MYH10: variants seen among roughly 807,000 people sequenced by gnomAD.
The protein encoded by MYH10 is myosin heavy chain 10.
In MYH10, 55 loss-of-function variants were observed where a neutral mutation model predicts 257.8. That is an observed-to-expected ratio of 0.21 (90% CI 0.17 to 0.27). The LOEUF (loss-of-function observed/expected upper bound fraction) is 0.27, where lower values mean the gene tolerates loss of function less well. Among genes scored for constraint, MYH10 ranks in the 10% least tolerant of loss-of-function variants. The probability of loss-of-function intolerance (pLI) is 1.00; values close to 1 mark genes in which losing one functional copy is unlikely to be tolerated. For missense variants in MYH10, 1,631 were observed against 2,500.6 expected (o/e 0.65, Z 7.42); for synonymous variants, 854 against 921.7 (o/e 0.93, Z 1.33).
intron 35 of MYH10, 83 bp from the exon 36 acceptor site, chr17:8,487,677 C>G (rs1011536805): frequency 3.9e-5 from 60 of 1,523,120 alleles, no homozygotes; most frequent in Non-Finnish European, 5.3e-5. Context: ...GTGGGGGGCT[C>G]TGGTTACTCG....
chr17:8,573,228 A>C (rs908233739), intron 6 of MYH10, among the ~76,000 whole-genome samples: 9 of 152,196 alleles, frequency 5.9e-5, no homozygotes, highest in Non-Finnish European at 1.2e-4. Context: ...AAAAATATAT[A>C]CCTCTTTCAA....
rs989087041 is a variant in MYH10, at chr17:8,509,996, C to T, written c.2953-47G>A. On this transcript the variant is annotated intron_variant, in intron 24 of 42. Coordinates refer to ENST00000360416, the MANE Select transcript of MYH10 (RefSeq NM_001256012.3). ...GTCTCGCCACTTTCTCGAGATTTGACCACACATTCATTGTGCACAGGAATG... is the reference window on the plus strand; with the variant it reads ...GTCTCGCCACTTTCTCGAGATTTGATCACACATTCATTGTGCACAGGAATG... 3.8e-6 allele frequency: 6 copies of T among 1,563,544 alleles called. No individual in the cohort carries two copies. In the African/African-American group the frequency reaches 5.6e-5, roughly 14 times the overall value.
intron 7 of MYH10, among the ~76,000 whole-genome samples, chr17:8,556,328 C>A (rs1240144128): frequency 6.6e-6 from 1 of 152,188 alleles, no homozygotes; most frequent in Non-Finnish European, 1.5e-5. Flanking sequence ...ATGTCCCCAG[C>A]CACTTTATTC....
chr17:8,476,842 C>G, intron 42 of MYH10, 34 bp downstream of exon 42: 2 of 1,586,586 alleles, frequency 1.3e-6, no homozygotes, highest in Non-Finnish European at 1.7e-6. Flanking sequence ...CACAAAGCAG[C>G]TGCCTGTCAG....
intron 7 of MYH10, among the ~76,000 whole-genome samples, chr17:8,557,451 T>C (rs924353485): frequency 2.6e-5 from 4 of 152,150 alleles, no homozygotes; most frequent in African/African-American, 7.2e-5. Context: ...CTATCTCAGG[T>C]GTGTGTCAAG....
chr17:8,543,043 G>A (rs963029581), intron 13 of MYH10, among the ~76,000 whole-genome samples: 5 of 152,134 alleles, frequency 3.3e-5, no homozygotes, highest in African/African-American at 7.2e-5. Context: ...TTGATTGGGC[G>A]AATGCATAGA....
chr17:8,528,460 A>C (rs1325471565), intron 17 of MYH10, among the ~76,000 whole-genome samples: 1 of 152,196 alleles, frequency 6.6e-6, no homozygotes, highest in Non-Finnish European at 1.5e-5. Context: ...TATGACCTCC[A>C]TATTTGCCTC....
At chr17:8,532,226 G>A (rs1000196690) in intron 16 of MYH10, among the ~76,000 whole-genome samples, 1 of 152,220 alleles carries the variant, frequency 6.6e-6, no homozygotes, top group Non-Finnish European at 1.5e-5. Context: ...GGGTAGATAA[G>A]ATATCCCTTG....
rs550461515 is a variant in MYH10, at chr17:8,614,735, T to G, written c.345+8167A>C. On this transcript the variant is annotated intron_variant, in intron 2 of 42. Coordinates refer to ENST00000360416, the MANE Select transcript of MYH10 (RefSeq NM_001256012.3). ...TGTAGAATACAGCTACAGCAGTACT[T>G]AGAATGAAATTTATGGCTTTTAAAG... Among the ~76,000 whole-genome samples, 13 of 152,316 alleles carry G rather than the reference T, an allele frequency of 8.5e-5. No individual in the cohort carries two copies. In the South Asian group the frequency reaches 2.7e-3, roughly 32 times the overall value.
Position 8,504,064 on chromosome 17 carries a change from C to T in MYH10, c.3599+630G>A, listed in dbSNP as rs578030394. ...CCGGCTCACTGCTAAGGCTCTCCTG[C>T]GACTCGTGGGCTGCCACACTGCAGC... is the stretch of plus-strand genomic sequence containing the variant. On this transcript the variant is annotated intron_variant, in intron 28 of 42. Coordinates refer to ENST00000360416, the MANE Select transcript of MYH10 (RefSeq NM_001256012.3). This position sits in a 1 kb window ranked among gnomAD's most constrained non-coding sequence, Gnocchi z 5.6. 1.3e-5 allele frequency among the ~76,000 whole-genome samples: 2 copies of T among 152,314 alleles called. No homozygotes were observed. The highest frequency in any genetic ancestry group is 2.1e-4 in the South Asian group (1 of 4,824).
chr17:8,617,532 C>A (rs2085313715), intron 2 of MYH10, among the ~76,000 whole-genome samples: 1 of 152,106 alleles, frequency 6.6e-6, no homozygotes, highest in Non-Finnish European at 1.5e-5. Flanking sequence ...TTCTGGAACT[C>A]CAACTAAATC....
At chr17:8,551,152 T>TA (rs57353412) in intron 9 of MYH10, among the ~76,000 whole-genome samples, 141,483 of 146,834 alleles carry the variant, frequency 0.96, 68,392 homozygotes, top group Non-Finnish European at 1. Context: ...AATAAATAAA[T>TA]AATAAATTTA....
At chr17:8,549,443 C>CA (rs1379364896) in intron 9 of MYH10, among the ~76,000 whole-genome samples, 3 of 152,206 alleles carry the variant, frequency 2.0e-5, no homozygotes, top group Non-Finnish European at 4.4e-5. Flanking sequence ...ACTCTTTTGA[C>CA]AAATGCATTC....
intron 17 of MYH10, among the ~76,000 whole-genome samples, chr17:8,527,293 T>C (rs2081876137): frequency 6.6e-6 from 1 of 152,180 alleles, no homozygotes; most frequent in Non-Finnish European, 1.5e-5. Context: ...AGCACATGAT[T>C]TAAGGAGAAA....
At chr17:8,533,835 AGAG>A (rs1375313787) in intron 16 of MYH10, among the ~76,000 whole-genome samples, 1 of 152,202 alleles carries the variant, frequency 6.6e-6, no homozygotes, top group Admixed American at 6.5e-5. Flanking sequence ...AAGGGTATCC[AGAG>A]GAGAAGCTGA....
intron 21 of MYH10, among the ~76,000 whole-genome samples, chr17:8,517,360 A>T (rs1191119857): frequency 6.6e-6 from 1 of 152,116 alleles, no homozygotes; most frequent in Non-Finnish European, 1.5e-5. Flanking sequence ...CAGGAACCAG[A>T]GCTGTTTTCC....
At chr17:8,517,513 A>G (rs1315035386) in intron 21 of MYH10, among the ~76,000 whole-genome samples, 3 of 152,250 alleles carry the variant, frequency 2.0e-5, no homozygotes, top group Admixed American at 6.5e-5. Flanking sequence ...GTTCAGTAGA[A>G]AGAAGTAAAT....
chr17:8,561,181 G>A (rs1159141731), intron 7 of MYH10: 14 of 681,790 alleles, frequency 2.1e-5, no homozygotes, highest in Non-Finnish European at 3.4e-5. Context: ...AGGAGAAATG[G>A]GAGAAAATTA....
rs759423781 is a variant in MYH10 at position 8,499,333 on chromosome 17, A to G, written c.3888T>C (p.His1296=). The G allele has an allele frequency of 1.2e-6, 2 of 1,613,974 alleles. No individual in the cohort carries two copies. The highest frequency in any genetic ancestry group is 1.1e-5 in the South Asian group (1 of 91,086). ...KKLDAQVQEL[H]AKVSEGDRLR... ...GCCTGTCGCCTTCAGAGACCTTGGC[A>G]TGGAGCTCCTGGACCTGCGCGTCGA... The change falls in exon 30 of 43, where the codon CAT becomes CAC. Residue 1296 remains histidine (H), a synonymous_variant. Transcript: ENST00000360416.
Sources: gnomAD v4.1 joint callset for allele counts (sites outside exome capture counted in the v4.1 genomes callset) on GRCh38, gnomAD v4.1.1 for gene constraint, Gnocchi (gnomAD v3.1) non-coding constraint, MANE v1.5 for transcripts, NCBI Gene and HGNC (gene_info 2026-07-23, HGNC 2026-07-21) for gene names.